PRMT7: variants seen among roughly 807,000 people sequenced by gnomAD.
PRMT7 encodes the protein protein arginine methyltransferase 7, also known as protein arginine N-methyltransferase 7.
PRMT7 carries 75 observed loss-of-function variants against 85.4 expected under a neutral mutation model. The ratio of observed to expected loss-of-function variants is 0.88; its 90% CI spans 0.73 to 1.06. The LOEUF is 1.06. PRMT7 is among the 50% of genes least tolerant of loss of function. The pLI is 0.00. For missense variants in PRMT7, 868 were observed against 915.2 expected (o/e 0.95, Z 0.67); for synonymous variants, 397 against 359.5 (o/e 1.10, Z -1.18).
At position 68,329,097 on chromosome 16, in the gene PRMT7, A is replaced by G. The variant is rs756450694; in HGVS notation, c.314A>G (p.Lys105Arg). 7 of 1,612,448 alleles carry G rather than the reference A, an allele frequency of 4.3e-6. No homozygotes were observed. Among genetic ancestry groups the G allele is most frequent in the Non-Finnish European group, 5.9e-6 (7 of 1,178,532 alleles). ...AAGCCTATGGCTGATGCTGCTGTGA[A>G]GATTGTGGAGAAAAATGGCTTTAGT... Reference protein sequence around the residue: ...VFKPMADAAVKIVEKNGFSDK... With the variant: ...VFKPMADAAVRIVEKNGFSDK... The change falls in exon 6 of 19, where the codon AAG becomes AGG. Residue 105 changes from lysine to arginine, a missense_variant. Lys to Arg is a conservative substitution (Grantham distance 26). Coordinates refer to ENST00000441236, the MANE Select transcript of PRMT7 (RefSeq NM_019023.5).
intron 17 of PRMT7, among the ~76,000 whole-genome samples, 153 bp downstream of exon 17, chr16:68,356,036 C>G (rs188047213): frequency 3.9e-5 from 6 of 152,206 alleles, no homozygotes; most frequent in African/African-American, 7.2e-5. Flanking sequence ...TCAGAGTGGC[C>G]CTGCGCGTGT....
intron 4 of PRMT7, among the ~76,000 whole-genome samples, chr16:68,323,296 G>A (rs1015133907): frequency 1.4e-5 from 2 of 147,226 alleles, no homozygotes; most frequent in Admixed American, 7.0e-5. Flanking sequence ...TTAGCTCACT[G>A]CAACCTCCAC....
At chr16:68,335,751 G>A (rs542291525) in intron 6 of PRMT7, among the ~76,000 whole-genome samples, 2 of 151,528 alleles carry the variant, frequency 1.3e-5, no homozygotes, top group East Asian at 3.9e-4. Flanking sequence ...CGCTGTCTCT[G>A]TTGTGCTCTT....
At chr16:68,341,140 C>G (rs1443799269) in intron 9 of PRMT7, among the ~76,000 whole-genome samples, 1 of 152,140 alleles carries the variant, frequency 6.6e-6, no homozygotes, top group African/African-American at 2.4e-5. Flanking sequence ...ACTATGCGTC[C>G]TTGTATACCT....
At chr16:68,348,016 G>A (rs2086664671) in intron 13 of PRMT7, among the ~76,000 whole-genome samples, 1 of 152,210 alleles carries the variant, frequency 6.6e-6, no homozygotes, top group African/African-American at 2.4e-5. Flanking sequence ...ATGGGAGATG[G>A]CATTTCTCTC....
intron 14 of PRMT7, among the ~76,000 whole-genome samples, chr16:68,349,630 A>G (rs542833987): frequency 2.0e-5 from 3 of 152,184 alleles, no homozygotes; most frequent in Admixed American, 6.5e-5. Context: ...ATGGTGGCAC[A>G]TGTCTGTAAT....
intron 8 of PRMT7, 42 bp from the exon 9 acceptor site, chr16:68,339,746 T>C (rs1410375619): frequency 6.3e-7 from 1 of 1,596,656 alleles, no homozygotes; most frequent in African/African-American, 1.3e-5. Context: ...ATGGAGTGTG[T>C]GAGGTTAAAC....
At position 68,324,752 on chromosome 16, in the gene PRMT7, G is replaced by T; in HGVS notation, c.202G>T (p.Val68Phe). 6.2e-7 allele frequency: 1 copy of T among 1,613,990 alleles called. No homozygotes were observed. The highest frequency in any genetic ancestry group is 8.5e-7 in the Non-Finnish European group (1 of 1,179,972). ...RVKDRGQKAL[V>F]LDIGTGTGLL... ...GAAGGACAGAGGACAGAAGGCCTTGGTTCTCGACATTGGCACTGGCACGGG... is the reference window on the plus strand; with the variant it reads ...GAAGGACAGAGGACAGAAGGCCTTGTTTCTCGACATTGGCACTGGCACGGG... The change falls in exon 5 of 19, where the codon GTT becomes TTT. Residue 68 changes from valine (V) to phenylalanine (F), a missense_variant. By Grantham distance (50) the Val-to-Phe change is conservative. Transcript: ENST00000441236.
intron 9 of PRMT7, 102 bp downstream of exon 9, chr16:68,340,070 AG>A (rs2085282071): frequency 1.6e-6 from 2 of 1,251,332 alleles, no homozygotes; most frequent in Non-Finnish European, 2.2e-6. Context: ...ATTTAGAGAC[AG>A]GAGGGCTGTG....
chr16:68,336,843 C>T (rs1597331603), intron 6 of PRMT7, among the ~76,000 whole-genome samples: 1 of 152,134 alleles, frequency 6.6e-6, no homozygotes, highest in African/African-American at 2.4e-5. Flanking sequence ...ACCTCTGCCT[C>T]CCAGGTTCAA....
chr16:68,355,871 T>C lies in PRMT7; in HGVS notation c.1799T>C (p.Val600Ala). Reference sequence around the variant, plus strand: ...CAGCCCCTGTGTGCCGAGGGCACCGTGGAGCTCAGAAGGTGGGTGCAGAGA... The same window carrying C: ...CAGCCCCTGTGTGCCGAGGGCACCGCGGAGCTCAGAAGGTGGGTGCAGAGA... The part of the protein sequence containing the change: ...PLQPLCAEGT[V>A]ELRRPGQSHA... The change falls in exon 17 of 19, where the codon GTG (valine) becomes GCG (alanine). Residue 600 changes from valine to alanine, a missense_variant. Val to Ala is a moderately conservative substitution (Grantham distance 64). Coordinates refer to ENST00000441236, the MANE Select transcript of PRMT7 (RefSeq NM_019023.5). The C allele has an allele frequency of 1.3e-6, 2 of 1,597,626 alleles. No homozygotes were observed. Among genetic ancestry groups the C allele is most frequent in the Non-Finnish European group, 1.7e-6 (2 of 1,174,814 alleles).
chr16:68,357,633 C>T lies in PRMT7; in HGVS notation c.*409C>T, dbSNP rs1017155375. 5.2e-5 allele frequency: 9 copies of T among 171,790 alleles called. No individual in the cohort carries two copies. Among genetic ancestry groups the T allele is most frequent in the Non-Finnish European group, 9.9e-5 (8 of 80,896 alleles). The allele number at this position is 171,790 out of a possible 1,614,324, so 10.6% of individuals were successfully genotyped here. On this transcript the variant is annotated 3_prime_UTR_variant, in exon 19 of 19. Transcript: ENST00000441236. ...GAGCCTGTCCTGTCTGTCTCACTCT[C>T]GAGGATCTCCGGGTCCCTGCTCTTC...
intron 14 of PRMT7, among the ~76,000 whole-genome samples, 164 bp downstream of exon 14, chr16:68,348,595 C>T (rs1177673894): frequency 6.9e-6 from 1 of 144,198 alleles, no homozygotes; most frequent in Non-Finnish European, 1.5e-5. Context: ...GTGAAGCTTT[C>T]ATGGAGCTGC....
At chr16:68,328,964 T>C in intron 5 of PRMT7, 102 bp from the exon 6 acceptor site, 4 of 747,100 alleles carry the variant, frequency 5.4e-6, no homozygotes, top group Non-Finnish European at 9.0e-6. Flanking sequence ...TTAAGTTACA[T>C]ATCTTAGGAC....
At chr16:68,345,358 C>T (rs969203228) in intron 9 of PRMT7, among the ~76,000 whole-genome samples, 8 of 152,182 alleles carry the variant, frequency 5.3e-5, no homozygotes, top group African/African-American at 7.2e-5. Context: ...CACAGCTCTA[C>T]GTGTTGAAGA....
At chr16:68,360,621 G>T (rs1157699240), downstream of PRMT7, 1 of 153,932 alleles carries the variant, frequency 6.5e-6, no homozygotes, top group Non-Finnish European at 1.5e-5. Flanking sequence ...GCCCTGGGCT[G>T]GCTGGTAGAG....
chr16:68,349,036 C>T (rs1213923904), intron 14 of PRMT7, among the ~76,000 whole-genome samples: 1 of 152,148 alleles, frequency 6.6e-6, no homozygotes, highest in East Asian at 1.9e-4. Flanking sequence ...TTCCTCTCCA[C>T]CGCACTCCTG....
At chr16:68,344,933 T>TACACACACAC (rs368385265) in intron 9 of PRMT7, among the ~76,000 whole-genome samples, 34 of 131,160 alleles carry the variant, frequency 2.6e-4, no homozygotes, top group South Asian at 1.2e-3. Flanking sequence ...CCTGCATCTC[T>TACACACACAC]ACACACACAC....
Position 68,357,422 on chromosome 16 carries a change from G to A in PRMT7, c.*198G>A. 1 of 600,900 alleles carries A rather than the reference G, an allele frequency of 1.7e-6. No homozygotes were observed. The highest frequency in any genetic ancestry group is 2.8e-6 in the Non-Finnish European group (1 of 361,414). The allele number at this position is 600,900 out of a possible 1,614,324, so 37.2% of individuals were successfully genotyped here. Reference sequence around the variant, plus strand: ...TCCAGCTGTGGCAGGAAGCATGAGAGGGTGACTGAATTTGGAGCCCTGGAG... The same window carrying A: ...TCCAGCTGTGGCAGGAAGCATGAGAAGGTGACTGAATTTGGAGCCCTGGAG... On this transcript the variant is annotated 3_prime_UTR_variant, in exon 19 of 19. Transcript: ENST00000441236.
Sources: gnomAD v4.1 joint callset for allele counts (sites outside exome capture counted in the v4.1 genomes callset) on GRCh38, gnomAD v4.1.1 for gene constraint, MANE v1.5 for transcripts, NCBI Gene and HGNC (gene_info 2026-07-23, HGNC 2026-07-21) for gene names.